PAK5: variants seen among roughly 807,000 people sequenced by gnomAD.
PAK5 encodes the protein p21 (RAC1) activated kinase 5.
A neutral mutation model predicts 65.9 loss-of-function variants in PAK5; 16 were observed. The ratio of observed to expected loss-of-function variants is 0.24; its 90% CI spans 0.16 to 0.37. The LOEUF is 0.37. Among genes scored for constraint, PAK5 ranks in the 10% least tolerant of loss-of-function variants. The probability of loss-of-function intolerance (pLI) is 1.00; values close to 1 mark genes in which losing one functional copy is unlikely to be tolerated. For missense variants in PAK5, 785 were observed against 903.9 expected, an observed-to-expected ratio of 0.87 and a Z score of 1.69; for synonymous variants, 371 against 354.9, an observed-to-expected ratio of 1.05 and a Z score of -0.51.
intron 6 of PAK5, among the ~76,000 whole-genome samples, chr20:9,559,853 C>T (rs2045566427): frequency 6.6e-6 from 1 of 152,008 alleles, no homozygotes; most frequent in Non-Finnish European, 1.5e-5. Flanking sequence ...ACAGAGGAAG[C>T]CTACAACTTC....
At chr20:9,717,810 G>A (rs139110032) in intron 1 of PAK5, among the ~76,000 whole-genome samples, 1,757 of 152,290 alleles carry the variant, frequency 0.012, 13 homozygotes, top group Non-Finnish European at 0.018. Context: ...AGTAGAGACA[G>A]GGTTCCGCCA....
At chr20:9,767,346 A>C (rs1270673725) in intron 1 of PAK5, among the ~76,000 whole-genome samples, 1 of 152,170 alleles carries the variant, frequency 6.6e-6, no homozygotes, top group Non-Finnish European at 1.5e-5. Context: ...CTATTTATTA[A>C]ATCAGGTCCG....
intron 2 of PAK5, among the ~76,000 whole-genome samples, chr20:9,683,714 CT>C (rs1048930505): frequency 2.0e-4 from 31 of 152,074 alleles, no homozygotes; most frequent in African/African-American, 6.5e-4. Flanking sequence ...TGTTTGGTAC[CT>C]TTTTTTGTTT....
At chr20:9,765,327 A>C (rs2048744821) in intron 1 of PAK5, among the ~76,000 whole-genome samples, 1 of 152,174 alleles carries the variant, frequency 6.6e-6, no homozygotes, top group Admixed American at 6.5e-5. Context: ...AATTTATAAT[A>C]ATCATCTTTG....
intron 1 of PAK5, among the ~76,000 whole-genome samples, chr20:9,809,335 A>ATTTTT (rs3061945): frequency 0.031 from 4,196 of 135,226 alleles, 146 homozygotes; most frequent in African/African-American, 0.057. Flanking sequence ...GGCAATCCAA[A>ATTTTT]TTTTTTTTTT....
At chr20:9,721,653 CAAAAAAAAAAAAAAA>C (rs144378083) in intron 1 of PAK5, among the ~76,000 whole-genome samples, 4 of 65,522 alleles carry the variant, frequency 6.1e-5, no homozygotes, top group Admixed American at 2.2e-4. Flanking sequence ...GACTCCATCT[CAAAAAAAAAAAAAAA>C]AAAAAAAAAA....
chr20:9,612,959 C>T (rs1220067702), intron 3 of PAK5, among the ~76,000 whole-genome samples: 1 of 152,076 alleles, frequency 6.6e-6, no homozygotes, highest in Non-Finnish European at 1.5e-5. Context: ...TATTCAATCC[C>T]TATTACCTAG....
chr20:9,798,080 G>C (rs1042055712), intron 1 of PAK5, among the ~76,000 whole-genome samples: 1 of 152,098 alleles, frequency 6.6e-6, no homozygotes, highest in Non-Finnish European at 1.5e-5. Context: ...GTTAGACTGA[G>C]GGGTTGGGAG....
intron 1 of PAK5, among the ~76,000 whole-genome samples, chr20:9,714,902 G>T (rs996397250): frequency 6.6e-6 from 1 of 152,116 alleles, no homozygotes; most frequent in African/African-American, 2.4e-5. Context: ...ATTCAAGATG[G>T]ATTAAGGACT....
chr20:9,672,198 A>C (rs1333485169), intron 2 of PAK5, among the ~76,000 whole-genome samples: 1 of 151,672 alleles, frequency 6.6e-6, no homozygotes, highest in Non-Finnish European at 1.5e-5. Flanking sequence ...TTTCCATGAA[A>C]ATTTTTTACT....
intron 2 of PAK5, among the ~76,000 whole-genome samples, chr20:9,668,314 T>C (rs1166155473): frequency 6.6e-6 from 1 of 152,162 alleles, no homozygotes; most frequent in African/African-American, 2.4e-5. Context: ...TTGAGCCTAA[T>C]GGAGTATTTT....
chr20:9,837,223 G>A (rs1979221287), intron 1 of PAK5, among the ~76,000 whole-genome samples: 2 of 152,208 alleles, frequency 1.3e-5, no homozygotes, highest in Admixed American at 6.5e-5. Context: ...CAGTGCATCT[G>A]CCTTGCACAT....
At chr20:9,734,954 T>C (rs150266016) in intron 1 of PAK5, among the ~76,000 whole-genome samples, 2 of 152,302 alleles carry the variant, frequency 1.3e-5, no homozygotes, top group East Asian at 1.9e-4. Flanking sequence ...TTTGTCAAAA[T>C]TATTCTTGAG....
At position 9,665,085 on chromosome 20, in the gene PAK5, G is replaced by GTTTTTTTTTTTTTTTTT. The variant is rs754435525; in HGVS notation, c.-11-20747_-11-20746insAAAAAAAAAAAAAAAAA. ...CCACCATGCCCAGCTAAATTTTTCT[G>GTTTTTTTTTTTTTTTTT]TTTTTTTTTTTTTTTGTAGTGATGA... On this transcript the variant is annotated intron_variant, in intron 2 of 9. Coordinates refer to ENST00000353224, the MANE Select transcript of PAK5 (RefSeq NM_177990.4). Among the ~76,000 whole-genome samples the GTTTTTTTTTTTTTTTTT allele has an allele frequency of 3.0e-3, 296 of 98,852 alleles. 16 individuals carry two copies. The highest frequency in any genetic ancestry group is 5.0e-3 in the East Asian group (13 of 2,620). The allele number at this position is 98,852 out of a possible 152,430, so 64.9% of individuals were successfully genotyped here.
At chr20:9,787,958 C>T (rs1358773833) in intron 1 of PAK5, among the ~76,000 whole-genome samples, 1 of 139,440 alleles carries the variant, frequency 7.2e-6, no homozygotes, top group Non-Finnish European at 1.5e-5. Context: ...AATTAGCTGT[C>T]TCCAGCCCAT....
At chr20:9,668,822 C>T (rs2047454246) in intron 2 of PAK5, among the ~76,000 whole-genome samples, 1 of 152,124 alleles carries the variant, frequency 6.6e-6, no homozygotes, top group Non-Finnish European at 1.5e-5. Context: ...TCTATTAAGG[C>T]AGTTACCTAA....
At chr20:9,679,758 T>C (rs1259862869) in intron 2 of PAK5, among the ~76,000 whole-genome samples, 2 of 152,174 alleles carry the variant, frequency 1.3e-5, no homozygotes, top group African/African-American at 4.8e-5. Context: ...TAAAATCAAA[T>C]TAAGAATTGA....
intron 2 of PAK5, among the ~76,000 whole-genome samples, chr20:9,649,842 T>C (rs578105301): frequency 8.5e-5 from 13 of 152,212 alleles, no homozygotes; most frequent in African/African-American, 3.1e-4. Flanking sequence ...CATATTCTGT[T>C]CACAGTAATT....
chr20:9,664,789 A>G (rs773240985), intron 2 of PAK5, among the ~76,000 whole-genome samples: 13 of 152,184 alleles, frequency 8.5e-5, no homozygotes, highest in Non-Finnish European at 1.3e-4. Context: ...CATAAATACA[A>G]GGCTAAAAGA....
Sources: allele counts gnomAD v4.1 joint callset (sites outside exome capture counted in the v4.1 genomes callset), GRCh38; gene constraint gnomAD v4.1.1; transcripts MANE v1.5; gene names NCBI Gene and HGNC (gene_info 2026-07-23, HGNC 2026-07-21).